The following DENND2B variants were observed in gnomAD, a reference collection of about 807,000 sequenced individuals.
DENND2B encodes DENN domain-containing protein 2B.
In DENND2B, 32 loss-of-function variants were observed where a neutral mutation model predicts 116.0. The ratio of observed to expected loss-of-function variants is 0.28; its 90% CI spans 0.21 to 0.37. The LOEUF (loss-of-function observed/expected upper bound fraction) is 0.37, where lower values mean the gene tolerates loss of function less well. Among genes scored for constraint, DENND2B ranks in the 10% least tolerant of loss-of-function variants. The pLI is 1.00. For missense variants in DENND2B, 1,276 were observed against 1,477.7 expected (o/e 0.86, Z 2.24); for synonymous variants, 588 against 583.9 (o/e 1.01, Z -0.10).
chr11:8,743,742 C>G (rs576379360), intron 2 of DENND2B, among the ~76,000 whole-genome samples: 1 of 151,514 alleles, frequency 6.6e-6, no homozygotes. Flanking sequence ...TGGAGAGGGG[C>G]TTATCTCTTC....
chr11:8,851,404 C>T (rs1446819356), intron 3 of DENND2B, among the ~76,000 whole-genome samples: 1 of 152,100 alleles, frequency 6.6e-6, no homozygotes, highest in Non-Finnish European at 1.5e-5. Context: ...ATTCAAGCTC[C>T]ATAGCAATCC....
chr11:8,837,146 A>C (rs929707512), intron 4 of DENND2B, among the ~76,000 whole-genome samples: 1 of 152,240 alleles, frequency 6.6e-6, no homozygotes, highest in Non-Finnish European at 1.5e-5. Context: ...GGAACAAAAA[A>C]AAAAGTCTAA....
At chr11:8,747,661 G>C (rs2051515402) in intron 2 of DENND2B, among the ~76,000 whole-genome samples, 1 of 152,122 alleles carries the variant, frequency 6.6e-6, no homozygotes, top group Non-Finnish European at 1.5e-5. Context: ...TGGGGAGAGT[G>C]TATCTGGCAG....
chr11:8,823,015 T>A (rs2061824729), intron 4 of DENND2B, among the ~76,000 whole-genome samples: 2 of 152,230 alleles, frequency 1.3e-5, no homozygotes, highest in South Asian at 4.1e-4. Flanking sequence ...ATGAGGTTAC[T>A]ATATAATTAT....
At chr11:8,778,486 G>C (rs943790781) in intron 1 of DENND2B, among the ~76,000 whole-genome samples, 1 of 152,202 alleles carries the variant, frequency 6.6e-6, no homozygotes, top group South Asian at 2.1e-4. Flanking sequence ...CTGTGTGTCT[G>C]TGTTTTATTT....
At chr11:8,850,439 A>C (rs2062965511) in intron 3 of DENND2B, among the ~76,000 whole-genome samples, 1 of 152,168 alleles carries the variant, frequency 6.6e-6, no homozygotes, top group Non-Finnish European at 1.5e-5. Flanking sequence ...AGGTATATGA[A>C]AAAATGTTCA....
intron 2 of DENND2B, among the ~76,000 whole-genome samples, chr11:8,879,690 C>G (rs921274997): frequency 2.0e-5 from 3 of 151,682 alleles, no homozygotes; most frequent in Admixed American, 6.6e-5. Context: ...AAAAATCACC[C>G]GAGAAGCTTT....
chr11:8,874,028 T>C (rs2063818691), upstream of DENND2B, among the ~76,000 whole-genome samples: 1 of 152,210 alleles, frequency 6.6e-6, no homozygotes, highest in Non-Finnish European at 1.5e-5. Context: ...GTCTGAGATA[T>C]ACTTTCCCAT....
chr11:8,771,395 T>A (rs2056819876), intron 1 of DENND2B, among the ~76,000 whole-genome samples: 1 of 152,116 alleles, frequency 6.6e-6, no homozygotes, highest in African/African-American at 2.4e-5. Flanking sequence ...GCTGTGAGTG[T>A]GTGTGTGTGT....
chr11:8,782,737 A>G (rs1330097687), intron 1 of DENND2B, among the ~76,000 whole-genome samples: 1 of 151,876 alleles, frequency 6.6e-6, no homozygotes. Flanking sequence ...ATACAAAAAA[A>G]TTAGGCGGGC....
In DENND2B at chr11:8,694,135, G is replaced by A; in HGVS notation, c.3380-5C>T. ...GGAGAAACTTCATTTTGTTGCCTGTGGGCCAGAGAGGACAAGAGAGAATGT... is the reference window on the plus strand; with the variant it reads ...GGAGAAACTTCATTTTGTTGCCTGTAGGCCAGAGAGGACAAGAGAGAATGT... On this transcript the variant is annotated splice_polypyrimidine_tract_variant and splice_region_variant and intron_variant, in intron 19 of 19. Transcript: ENST00000313726. The A allele has an allele frequency of 1.2e-6, 2 of 1,614,094 alleles. No individual in the cohort carries two copies. Among genetic ancestry groups the A allele is most frequent in the South Asian group, 1.1e-5 (1 of 91,080 alleles).
intron 17 of DENND2B, among the ~76,000 whole-genome samples, chr11:8,696,932 C>T (rs1592288897): frequency 6.6e-6 from 1 of 152,076 alleles, no homozygotes; most frequent in African/African-American, 2.4e-5. Flanking sequence ...TACAGGTGCA[C>T]TTTTTGTATT....
At chr11:8,888,257 T>C (rs1227131659) in intron 1 of DENND2B, among the ~76,000 whole-genome samples, 2 of 152,274 alleles carry the variant, frequency 1.3e-5, no homozygotes, top group African/African-American at 4.8e-5. Flanking sequence ...CTGAAACAGC[T>C]TGCTGGAGCC....
At chr11:8,825,811 G>T (rs1301018849) in intron 4 of DENND2B, among the ~76,000 whole-genome samples, 1 of 152,116 alleles carries the variant, frequency 6.6e-6, no homozygotes. Context: ...CCTGAGGAAA[G>T]GTTCAATATG....
At chr11:8,910,630 C>A (rs1463026713) in intron 1 of DENND2B, among the ~76,000 whole-genome samples, 1 of 114,534 alleles carries the variant, frequency 8.7e-6, no homozygotes, top group East Asian at 3.5e-4. Context: ...CCACTCCTGG[C>A]TAGTGTGTGT....
upstream of DENND2B, among the ~76,000 whole-genome samples, chr11:8,874,894 C>T (rs556934025): frequency 5.9e-5 from 9 of 152,262 alleles, no homozygotes; most frequent in East Asian, 1.7e-3. Context: ...CACTGCACTT[C>T]AGCCTGGGCG....
At position 8,712,593 on chromosome 11, in the gene DENND2B, C is replaced by T. The variant is rs112354780; in HGVS notation, c.2130G>A (p.Ser710=). The change falls in exon 9 of 20, where the codon TCG becomes TCA. Residue 710 remains serine, a synonymous_variant. Coordinates refer to ENST00000313726, the MANE Select transcript of DENND2B (RefSeq NM_213618.2). This position sits in a 1 kb window ranked among gnomAD's most constrained non-coding sequence, Gnocchi z 4.4. ...FVVVSLKKKP[S]RNTYLPEVSY... ...AGACTTCGGGGAGGTAGGTGTTTCGCGATGGCTTCTTCTTGAGGGACACCA... is the reference window on the plus strand; with the variant it reads ...AGACTTCGGGGAGGTAGGTGTTTCGTGATGGCTTCTTCTTGAGGGACACCA... 6,314 of 1,557,480 alleles carry T rather than the reference C, an allele frequency of 4.1e-3. 24 individuals carry two copies. The highest frequency in any genetic ancestry group is 5.3e-3 in the Non-Finnish European group (6,080 of 1,149,926).
intron 2 of DENND2B, among the ~76,000 whole-genome samples, chr11:8,861,318 A>C (rs971288312): frequency 2.6e-5 from 4 of 152,202 alleles, no homozygotes; most frequent in Non-Finnish European, 5.9e-5. Context: ...TCTGCAAGGA[A>C]CTCAAATAAT....
At chr11:8,886,313 A>G (rs1050630615) in intron 1 of DENND2B, among the ~76,000 whole-genome samples, 21 of 152,188 alleles carry the variant, frequency 1.4e-4, no homozygotes, top group African/African-American at 4.3e-4. Flanking sequence ...AAGCACTAAA[A>G]CATATCCTTT....
Sources: allele counts gnomAD v4.1 joint callset (sites outside exome capture counted in the v4.1 genomes callset), GRCh38; gene constraint gnomAD v4.1.1; non-coding constraint Gnocchi (gnomAD v3.1); transcripts MANE v1.5; gene names NCBI Gene and HGNC (gene_info 2026-07-23, HGNC 2026-07-21).